RABGGTA: variants seen among roughly 807,000 people sequenced by gnomAD.
The protein encoded by RABGGTA is geranylgeranyl transferase type-2 subunit alpha.
RABGGTA carries 69 observed loss-of-function variants against 83.3 expected under a neutral mutation model. That is an observed-to-expected ratio of 0.83 (90% CI 0.68 to 1.01). The LOEUF is 1.01. Ranked by LOEUF, RABGGTA falls within the 50% of genes least tolerant of loss-of-function variation. The pLI, the probability that RABGGTA is intolerant of heterozygous loss-of-function variation, is 0.00. For missense variants in RABGGTA, 681 were observed against 712.7 expected (o/e 0.96, Z 0.51); for synonymous variants, 310 against 299.8 (o/e 1.03, Z -0.35).
Position 24,271,136 on chromosome 14 carries a change from G to A in RABGGTA, c.-21C>T. The A allele has an allele frequency of 2.0e-6, 3 of 1,536,932 alleles. No individual in the cohort carries two copies. The highest frequency in any genetic ancestry group is 1.7e-6 in the Non-Finnish European group (2 of 1,142,912). On this transcript the variant is annotated 5_prime_UTR_variant, in exon 2 of 17. Transcript: ENST00000216840. ...ACCATGGTGCCGGCTCAGGGTTCAA[G>A]ACAGGGGAAGGGTCCAGTGGTAGCC...
chr14:24,270,979 G>T lies in RABGGTA; in HGVS notation c.4-32C>A. 1.9e-6 allele frequency: 3 copies of T among 1,610,182 alleles called. No individual in the cohort carries two copies. In the African/African-American group the frequency reaches 4.0e-5, roughly 21 times the overall value. ...GGATGAACGGGTTGGAAGAGTGCAG[G>T]TTGCCTTGCAGAAGCTGACCTGCAA... On this transcript the variant is annotated intron_variant, in intron 2 of 16. Transcript: ENST00000216840.
rs745764806 is a variant in RABGGTA at position 24,270,900 on chromosome 14, T to C, written c.51A>G (p.Lys17=). Reference sequence around the variant, plus strand: ...TCAGCTTCTGCTCTCGCTCTAGCCTTTTGGCCTCCGCCTGCTCTTCTGACG... The same window carrying C: ...TCAGCTTCTGCTCTCGCTCTAGCCTCTTGGCCTCCGCCTGCTCTTCTGACG... The part of the protein sequence containing the change: ...VKTSEEQAEA[K]RLEREQKLKL... The change falls in exon 3 of 17, where the codon AAA becomes AAG. Residue 17 remains lysine, a synonymous_variant. Transcript: ENST00000216840. 3 of 1,613,910 alleles carry C rather than the reference T, an allele frequency of 1.9e-6. No individual in the cohort carries two copies. The African/African-American group carries it at 4.0e-5, about 22-fold the overall frequency.
At chr14:24,266,742 A>G (rs750742391) in intron 15 of RABGGTA, 34 bp downstream of exon 15, 5 of 1,562,880 alleles carry the variant, frequency 3.2e-6, no homozygotes, top group South Asian at 2.2e-5. Flanking sequence ...GAAAAGAACC[A>G]CCCGTGACAG....
rs189784939 is a variant in RABGGTA at position 24,271,026 on chromosome 14, T to G, written c.4-79A>C. On this transcript the variant is annotated intron_variant, in intron 2 of 16. Coordinates refer to ENST00000216840, the MANE Select transcript of RABGGTA (RefSeq NM_182836.3). ...GCAAAAACCCCACACTGTGGAGCCC[T>G]AGGTTCATACGGGGCAACCATGGCA... is the stretch of plus-strand genomic sequence containing the variant. The G allele has an allele frequency of 3.2e-4, 504 of 1,596,192 alleles. No homozygotes were observed. In the Middle Eastern group the frequency reaches 8.2e-3, roughly 26 times the overall value.
intron 3 of RABGGTA, 108 bp downstream of exon 3, chr14:24,270,729 G>C (rs2040937036): frequency 6.9e-7 from 1 of 1,449,486 alleles, no homozygotes; most frequent in South Asian, 1.3e-5. Context: ...TTATAAGTGA[G>C]ATAACCCAGA....
intron 4 of RABGGTA, 23 bp downstream of exon 4, chr14:24,270,311 T>A (rs1174743447): frequency 2.5e-6 from 4 of 1,612,272 alleles, no homozygotes; most frequent in South Asian, 1.1e-5. Context: ...GGCAGTCTTC[T>A]GAGATCCTGA....
rs56395999 is a variant in RABGGTA, at chr14:24,270,160, G to T, written c.240-20C>A. ...GGAGACCTGTACCCAGAAGGGAAGG[G>T]GGGGGTCAGGGCTCTCCTACAGTCA... On this transcript the variant is annotated intron_variant, in intron 4 of 16. Coordinates refer to ENST00000216840, the MANE Select transcript of RABGGTA (RefSeq NM_182836.3). 9,948 of 1,592,718 alleles carry T rather than the reference G, an allele frequency of 6.2e-3. 574 individuals carry two copies. The African/African-American group carries it at 0.12, about 19-fold the overall frequency.
rs1443575951 is a variant in RABGGTA at position 24,267,768 on chromosome 14, G to A, written c.1245C>T (p.Asp415=). 1 of 1,612,480 alleles carries A rather than the reference G, an allele frequency of 6.2e-7. No individual in the cohort carries two copies. Among genetic ancestry groups the A allele is most frequent in the East Asian group, 2.2e-5 (1 of 44,868 alleles). The part of the protein sequence containing the change: ...LQYFQTLKAV[D]PMRATYLDDL... Reference sequence around the variant, plus strand: ...CATCCAGATACGTTGCCCGCATGGGGTCCACGGCCTGGAGTGGATGAGGTG... The same window carrying A: ...CATCCAGATACGTTGCCCGCATGGGATCCACGGCCTGGAGTGGATGAGGTG... The change falls in exon 14 of 17, where the codon GAC becomes GAT. Residue 415 remains aspartate, a synonymous_variant. Transcript: ENST00000216840.
intron 15 of RABGGTA, 40 bp downstream of exon 15, chr14:24,266,736 A>C: frequency 6.4e-7 from 1 of 1,552,884 alleles, no homozygotes; most frequent in Non-Finnish European, 8.9e-7. Context: ...GAAGAGGAAA[A>C]GAACCACCCG....
At position 24,266,843 on chromosome 14, in the gene RABGGTA, T is replaced by C. The variant is rs748160904; in HGVS notation, c.1400A>G (p.His467Arg). Residue 467 changes from histidine (H) to arginine (R), a missense_variant, in exon 15 of 17, where the codon CAT (histidine) becomes CGT (arginine). By Grantham distance (29) the His-to-Arg change is conservative. Coordinates refer to ENST00000216840, the MANE Select transcript of RABGGTA (RefSeq NM_182836.3). ...GAGGCGATTGTGTGACAAGTCAAGA[T>C]GGGTGACCAAGAGCAGCTGTTCCAG... ...CHLEQLLLVT[H>R]LDLSHNRLRT... 2.8e-5 allele frequency: 45 copies of C among 1,613,892 alleles called. No individual in the cohort carries two copies. The South Asian group carries it at 4.9e-4, about 18-fold the overall frequency.
rs1204605127 is a variant in RABGGTA at position 24,270,294 on chromosome 14, G to T, written c.239+40C>A. The T allele has an allele frequency of 1.9e-6, 3 of 1,608,544 alleles. No individual in the cohort carries two copies. In the South Asian group the frequency reaches 3.3e-5, roughly 18 times the overall value. ...CCTAGACCCAGGCAGTGCAGGCGCA[G>T]GGCCAGGGCAGTCTTCTGAGATCCT... On this transcript the variant is annotated intron_variant, in intron 4 of 16. Coordinates refer to ENST00000216840, the MANE Select transcript of RABGGTA (RefSeq NM_182836.3).
chr14:24,268,526 C>T lies in RABGGTA; in HGVS notation c.994G>A (p.Val332Met), dbSNP rs369776993. Residue 332 changes from valine to methionine, a missense_variant, in exon 10 of 17, where the codon GTG becomes ATG. Transcript: ENST00000216840. Reference protein sequence around the residue: ...WTAGDVQKECVLLKGRQEGWC... With the variant: ...WTAGDVQKECMLLKGRQEGWC... Reference sequence around the variant, plus strand: ...CAGGTTCCATCACCTTTTAAAAGCACGCATTCTTTCTGGACATCGCCTGCT... The same window carrying T: ...CAGGTTCCATCACCTTTTAAAAGCATGCATTCTTTCTGGACATCGCCTGCT... 61 of 1,613,824 alleles carry T rather than the reference C, an allele frequency of 3.8e-5. No homozygotes were observed. The highest frequency in any genetic ancestry group is 8.9e-5 in the East Asian group (4 of 44,904).
In RABGGTA at chr14:24,265,752, G is replaced by T. The variant is rs762233845; in HGVS notation, c.1567C>A (p.Pro523Thr). ...LLLCNNRLQQ[P>T]AVLQPLASCP... The stretch of plus-strand genomic sequence containing the variant: ...GAGGCAAGAGGCTGGAGCACTGCAG[G>T]CTGCTGGAGGCCTTGTTCAGGAGAG... Residue 523 changes from proline (P) to threonine (T), a missense_variant, in exon 17 of 17, where the codon CCT becomes ACT. Around this residue, in one of 5 missense-constraint regions of RABGGTA, gnomAD observed 421 missense variants for 418.5 expected, o/e 1.01. Transcript: ENST00000216840. The T allele has an allele frequency of 6.2e-7, 1 of 1,608,278 alleles. No individual in the cohort carries two copies. The highest frequency in any genetic ancestry group is 8.5e-7 in the Non-Finnish European group (1 of 1,177,640).
rs963553979 is a variant in RABGGTA at position 24,265,540 on chromosome 14, G to C, written c.*75C>G. On this transcript the variant is annotated 3_prime_UTR_variant, in exon 17 of 17. Transcript: ENST00000216840. ...GTAGTGATAGCAGCGACAACAGCTT[G>C]GTAGCCTGAGAGGGCCTCTCCATTC... 7 of 1,545,220 alleles carry C rather than the reference G, an allele frequency of 4.5e-6. No individual in the cohort carries two copies. Among genetic ancestry groups the C allele is most frequent in the African/African-American group, 2.7e-5 (2 of 73,146 alleles).
In RABGGTA at chr14:24,270,961, C is replaced by G. The variant is rs3825585; in HGVS notation, c.4-14G>C. ...CAGGCGTCCGTGCTACAAGGATGAA[C>G]GGGTTGGAAGAGTGCAGGTTGCCTT... On this transcript the variant is annotated splice_polypyrimidine_tract_variant and intron_variant, in intron 2 of 16. Transcript: ENST00000216840. 3.7e-6 allele frequency: 6 copies of G among 1,612,504 alleles called. No individual in the cohort carries two copies. Among genetic ancestry groups the G allele is most frequent in the South Asian group, 2.2e-5 (2 of 90,812 alleles).
chr14:24,270,160 G>C lies in RABGGTA; in HGVS notation c.240-20C>G, dbSNP rs56395999. 4.3e-4 allele frequency: 688 copies of C among 1,592,740 alleles called. 3 individuals carry two copies. The highest frequency in any genetic ancestry group is 5.4e-4 in the South Asian group (48 of 88,236). On this transcript the variant is annotated intron_variant, in intron 4 of 16. Coordinates refer to ENST00000216840, the MANE Select transcript of RABGGTA (RefSeq NM_182836.3). The stretch of plus-strand genomic sequence containing the variant: ...GGAGACCTGTACCCAGAAGGGAAGG[G>C]GGGGGTCAGGGCTCTCCTACAGTCA...
chr14:24,270,686 A>G (rs985179354), intron 3 of RABGGTA, 151 bp downstream of exon 3: 14 of 1,246,918 alleles, frequency 1.1e-5, no homozygotes, highest in Non-Finnish European at 1.4e-5. Context: ...CTGAGGCCCA[A>G]AGAGATTCAG....
chr14:24,267,593 C>A, intron 14 of RABGGTA, 67 bp downstream of exon 14: 1 of 1,329,592 alleles, frequency 7.5e-7, no homozygotes, highest in Non-Finnish European at 1.0e-6. Flanking sequence ...AGACTGGGGG[C>A]AAAGTCAGGG....
intron 14 of RABGGTA, 40 bp downstream of exon 14, chr14:24,267,620 G>T: frequency 6.5e-7 from 1 of 1,533,030 alleles, no homozygotes; most frequent in Non-Finnish European, 8.9e-7. Context: ...GGAGGCCAGC[G>T]GGATGAGGGC....
Sources: allele counts gnomAD v4.1 joint callset, GRCh38; gene constraint gnomAD v4.1.1; regional missense constraint gnomAD v4.1.1; transcripts MANE v1.5; gene names NCBI Gene and HGNC (gene_info 2026-07-23, HGNC 2026-07-21).